The following PRKG1 variants were observed in gnomAD, a reference collection of about 807,000 sequenced individuals.
PRKG1 encodes the protein cGMP-dependent protein kinase 1.
Under a neutral mutation model 88.1 loss-of-function variants are expected in PRKG1, and 35 were observed. That is an observed-to-expected ratio of 0.40 (90% CI 0.30 to 0.53). The LOEUF (loss-of-function observed/expected upper bound fraction) is 0.53, where lower values mean the gene tolerates loss of function less well. Among genes scored for constraint, PRKG1 ranks in the 20% least tolerant of loss-of-function variants. The pLI is 0.59. For synonymous variants in PRKG1, 303 were observed against 292.5 expected, an observed-to-expected ratio of 1.04 and a Z score of -0.37; for missense variants, 540 against 839.8, an observed-to-expected ratio of 0.64 and a Z score of 4.41.
chr10:51,966,286 A>G (rs1414938920), intron 5 of PRKG1, among the ~76,000 whole-genome samples: 1 of 152,060 alleles, frequency 6.6e-6, no homozygotes, highest in Non-Finnish European at 1.5e-5. Context: ...ATCTCTTATT[A>G]TTACCATAAG....
chr10:51,094,599 G>T (rs1055861036), intron 1 of PRKG1, among the ~76,000 whole-genome samples: 2 of 151,804 alleles, frequency 1.3e-5, no homozygotes, highest in African/African-American at 4.8e-5. Context: ...ATGTAGAATG[G>T]ATTCTGTAAC....
At chr10:51,342,236 G>A (rs921745599) in intron 2 of PRKG1, among the ~76,000 whole-genome samples, 1 of 152,124 alleles carries the variant, frequency 6.6e-6, no homozygotes, top group African/African-American at 2.4e-5. Context: ...AGGAGAAGGG[G>A]GAATGAGTTT....
chr10:51,955,426 C>G (rs1467476880), intron 5 of PRKG1, among the ~76,000 whole-genome samples: 1 of 152,014 alleles, frequency 6.6e-6, no homozygotes, highest in Non-Finnish European at 1.5e-5. Context: ...TTCATATGTA[C>G]TATACTTTTA....
chr10:52,293,857 A>G lies in PRKG1; in HGVS notation c.2018A>G (p.Glu673Gly). 1 of 1,613,238 alleles carries G rather than the reference A, an allele frequency of 6.2e-7. No homozygotes were observed. The highest frequency in any genetic ancestry group is 8.5e-7 in the Non-Finnish European group (1 of 1,179,314). The change falls in exon 18 of 18, where the codon GAA becomes GGA. Residue 673 changes from glutamate (E) to glycine (G), a missense_variant. Physicochemically the swap from Glu to Gly is moderately conservative, Grantham distance 98. Around this residue, in one of 5 missense-constraint regions of PRKG1, gnomAD observed 26 missense variants for 18.4 expected, o/e 1.41. Coordinates refer to ENST00000373980, the MANE Select transcript of PRKG1 (RefSeq NM_006258.4). ...GACAGTTTCCCTGAGGACAACGATG[A>G]ACCACCACCTGATGACAACTCAGGA... ...NFDSFPEDND[E>G]PPPDDNSGWD...
chr10:52,170,015 C>T (rs762409708), intron 9 of PRKG1, among the ~76,000 whole-genome samples: 1 of 152,198 alleles, frequency 6.6e-6, no homozygotes, highest in Admixed American at 6.5e-5. Context: ...AAGGTCATTA[C>T]TCTTCAGTCT....
At chr10:51,515,815 C>CAA (rs1841564164) in intron 3 of PRKG1, among the ~76,000 whole-genome samples, 1 of 152,110 alleles carries the variant, frequency 6.6e-6, no homozygotes, top group African/African-American at 2.4e-5. Context: ...AGTACAGGAG[C>CAA]AAATGAGGGC....
chr10:51,061,060 G>GGTGTGT (rs71029344), intron 1 of PRKG1, among the ~76,000 whole-genome samples: 11 of 147,160 alleles, frequency 7.5e-5, no homozygotes, highest in Non-Finnish European at 1.2e-4. Context: ...TATACCTAGG[G>GGTGTGT]GTGTGTGTGT....
chr10:52,186,450 GCTATT>G (rs1347964860), intron 9 of PRKG1, among the ~76,000 whole-genome samples: 1 of 151,330 alleles, frequency 6.6e-6, no homozygotes, highest in Non-Finnish European at 1.5e-5. Context: ...ATCACCTCCT[GCTATT>G]CATGAAGGAT....
chr10:51,844,812 A>C (rs1182347098), intron 4 of PRKG1, among the ~76,000 whole-genome samples: 1 of 152,208 alleles, frequency 6.6e-6, no homozygotes, highest in African/African-American at 2.4e-5. Flanking sequence ...GTTGTATCAA[A>C]GACAAGAACA....
chr10:51,950,643 C>A (rs922837834), intron 5 of PRKG1, among the ~76,000 whole-genome samples: 8 of 152,236 alleles, frequency 5.3e-5, no homozygotes, highest in Middle Eastern at 3.2e-3. Context: ...GACCCTGAAG[C>A]CCCAGAGGGG....
intron 2 of PRKG1, among the ~76,000 whole-genome samples, chr10:51,266,230 G>T (rs898025111): frequency 6.6e-5 from 10 of 152,158 alleles, no homozygotes; most frequent in Admixed American, 6.5e-4. Context: ...TTAATAGGCA[G>T]TGGGGAGCCA....
chr10:52,289,961 G>A lies in PRKG1; in HGVS notation c.1896-263G>A, dbSNP rs16928983. ...AATTTTAATTATAGTGTAGGAACAA[G>A]GTCATAGAGACATTATGACTGAATT... is the stretch of plus-strand genomic sequence containing the variant. On this transcript the variant is annotated intron_variant, in intron 16 of 17. Coordinates refer to ENST00000373980, the MANE Select transcript of PRKG1 (RefSeq NM_006258.4). Among the ~76,000 whole-genome samples the A allele has an allele frequency of 0.11, 16,467 of 152,116 alleles. 1,449 individuals carry two copies. Among genetic ancestry groups the A allele is most frequent in the African/African-American group, 0.24 (9,933 of 41,484 alleles).
intron 12 of PRKG1, among the ~76,000 whole-genome samples, chr10:52,278,654 A>C (rs1841928886): frequency 6.6e-6 from 1 of 152,062 alleles, no homozygotes; most frequent in Non-Finnish European, 1.5e-5. Flanking sequence ...TTGGCTGGGC[A>C]TGGTGGCTCA....
chr10:51,407,718 C>T (rs1461617529), intron 2 of PRKG1, among the ~76,000 whole-genome samples: 1 of 152,168 alleles, frequency 6.6e-6, no homozygotes, highest in Admixed American at 6.5e-5. Flanking sequence ...TGCAGTCCTG[C>T]CTGGATTGAA....
At chr10:51,014,895 CA>C (rs1285936855) in intron 1 of PRKG1, among the ~76,000 whole-genome samples, 2 of 152,112 alleles carry the variant, frequency 1.3e-5, no homozygotes, top group East Asian at 3.9e-4. Flanking sequence ...TAAAAATAAA[CA>C]AAGACTTGGT....
chr10:51,166,852 T>C lies in PRKG1; in HGVS notation c.478+13522T>C, dbSNP rs528569064. 2.0e-5 allele frequency among the ~76,000 whole-genome samples: 3 copies of C among 152,340 alleles called. No homozygotes were observed. The South Asian group carries it at 6.2e-4, about 32-fold the overall frequency. On this transcript the variant is annotated intron_variant, in intron 2 of 17. Coordinates refer to ENST00000373980, the MANE Select transcript of PRKG1 (RefSeq NM_006258.4). ...GTGTGACTTTGACAAGCGTATTATA[T>C]GAATATTTGAAACTCTTTGTATATT... is the stretch of plus-strand genomic sequence containing the variant.
At chr10:51,942,492 A>T (rs910592129) in intron 5 of PRKG1, among the ~76,000 whole-genome samples, 27 of 151,204 alleles carry the variant, frequency 1.8e-4, no homozygotes, top group Non-Finnish European at 3.2e-4. Context: ...TTTGGTTGCC[A>T]TTGCTTTTGG....
At chr10:51,152,610 G>A (rs1373256203) in intron 1 of PRKG1, among the ~76,000 whole-genome samples, 1 of 151,808 alleles carries the variant, frequency 6.6e-6, no homozygotes, top group Non-Finnish European at 1.5e-5. Flanking sequence ...TAGACACTGG[G>A]CATAAAATAA....
rs1286734024 is a variant in PRKG1, at chr10:52,028,943, A to T, written c.763-25541A>T. Among the ~76,000 whole-genome samples the T allele has an allele frequency of 2.6e-5, 4 of 152,188 alleles. No homozygotes were observed. The South Asian group carries it at 8.3e-4, about 32-fold the overall frequency. The stretch of plus-strand genomic sequence containing the variant: ...AGTGAAATTCCAGGTTTAAAAAAAT[A>T]CTATTTCACAAAAGACCCTTGCTAT... On this transcript the variant is annotated intron_variant, in intron 5 of 17. Coordinates refer to ENST00000373980, the MANE Select transcript of PRKG1 (RefSeq NM_006258.4).
Sources: gnomAD v4.1 joint callset for allele counts (sites outside exome capture counted in the v4.1 genomes callset) on GRCh38, gnomAD v4.1.1 for gene constraint, gnomAD v4.1.1 regional missense constraint, MANE v1.5 for transcripts, NCBI Gene and HGNC (gene_info 2026-07-23, HGNC 2026-07-21) for gene names.